DIS3L2: variants seen among roughly 807,000 people sequenced by gnomAD.
DIS3L2 encodes DIS3-like exonuclease 2.
In DIS3L2, 34 loss-of-function variants were observed where a neutral mutation model predicts 97.5. That is an observed-to-expected ratio of 0.35 (90% CI 0.27 to 0.46). The LOEUF (loss-of-function observed/expected upper bound fraction) is 0.46. Among genes scored for constraint, DIS3L2 ranks in the 20% least tolerant of loss-of-function variants. DIS3L2 has a pLI of 1.00. For synonymous variants in DIS3L2, 435 were observed against 445.2 expected, an observed-to-expected ratio of 0.98 and a Z score of 0.29; for missense variants, 1,038 against 1,146.0, an observed-to-expected ratio of 0.91 and a Z score of 1.36.
At chr2:232,172,688 T>C in intron 9 of DIS3L2, 2 of 534,612 alleles carry the variant, frequency 3.7e-6, no homozygotes, top group South Asian at 1.4e-5. Context: ...AGTCTACTTT[T>C]AGAGTAATTG....
At chr2:231,970,273 A>T (rs1692861842) in intron 1 of DIS3L2, among the ~76,000 whole-genome samples, 4 of 152,156 alleles carry the variant, frequency 2.6e-5, no homozygotes, top group Admixed American at 6.5e-5. Flanking sequence ...ATATGGTGAA[A>T]TATCGCATCG....
intron 6 of DIS3L2, among the ~76,000 whole-genome samples, chr2:232,113,871 T>C (rs1042619676): frequency 4.9e-4 from 75 of 151,576 alleles, no homozygotes; most frequent in Non-Finnish European, 9.9e-4. Context: ...GATTAGAAAT[T>C]ATGGTTTAGG....
At position 232,334,470 on chromosome 2, in the gene DIS3L2, A is replaced by T; in HGVS notation, c.2260A>T (p.Thr754Ser). The T allele has an allele frequency of 2.5e-6, 4 of 1,613,872 alleles. No individual in the cohort carries two copies. The highest frequency in any genetic ancestry group is 3.4e-6 in the Non-Finnish European group (4 of 1,179,996). ...GTCCAAGCGCGTGCAGGAGCTCAGT[A>T]CCAGTCTCTTCTTTGCTGTTCTGGT... Reference protein sequence around the residue: ...MASKRVQELSTSLFFAVLVKE... With the variant: ...MASKRVQELSSSLFFAVLVKE... The change falls in exon 18 of 21, where the codon ACC (threonine) becomes TCC (serine). Residue 754 changes from threonine (T) to serine (S), a missense_variant. Transcript: ENST00000325385.
At chr2:232,267,558 A>G (rs1693884660) in intron 13 of DIS3L2, among the ~76,000 whole-genome samples, 1 of 152,136 alleles carries the variant, frequency 6.6e-6, no homozygotes, top group South Asian at 2.1e-4. Flanking sequence ...TATGTCTCTC[A>G]TTTCTGAAAA....
chr2:232,335,517 A>AC (rs780495889), intron 19 of DIS3L2: 32 of 455,428 alleles, frequency 7.0e-5, no homozygotes, highest in East Asian at 2.1e-4. Context: ...TCAGCCCTGG[A>AC]CCCCCCACCA....
chr2:232,328,007 A>T (rs1207969284), intron 14 of DIS3L2, among the ~76,000 whole-genome samples: 2 of 152,226 alleles, frequency 1.3e-5, no homozygotes, highest in African/African-American at 4.8e-5. Flanking sequence ...GCTGAGAGTC[A>T]AACCTGGGCT....
chr2:232,287,585 G>T (rs934086877), intron 13 of DIS3L2, among the ~76,000 whole-genome samples: 2 of 151,894 alleles, frequency 1.3e-5, no homozygotes, highest in Non-Finnish European at 2.9e-5. Context: ...AGAGACGGAG[G>T]TCTCGCTCTG....
intron 13 of DIS3L2, among the ~76,000 whole-genome samples, chr2:232,273,993 G>A (rs1694075053): frequency 6.6e-6 from 1 of 152,194 alleles, no homozygotes; most frequent in African/African-American, 2.4e-5. Flanking sequence ...ATTCCCATAA[G>A]ACAGAGGTTC....
chr2:232,190,022 T>G (rs1691565937), intron 9 of DIS3L2, among the ~76,000 whole-genome samples: 1 of 152,202 alleles, frequency 6.6e-6, no homozygotes, highest in Non-Finnish European at 1.5e-5. Flanking sequence ...TTTAGTATGC[T>G]TTTGTCTTAA....
intron 9 of DIS3L2, chr2:232,172,572 A>G: frequency 2.4e-6 from 1 of 414,970 alleles, no homozygotes; most frequent in South Asian, 1.8e-5. Context: ...CCCCAGCTTG[A>G]CTATTATGAA....
At chr2:232,029,716 C>A (rs907515780) in intron 4 of DIS3L2, among the ~76,000 whole-genome samples, 4 of 152,028 alleles carry the variant, frequency 2.6e-5, no homozygotes, top group Non-Finnish European at 5.9e-5. Context: ...GCCATTGCTA[C>A]TCCTGCCCTC....
At chr2:232,115,359 A>C (rs1697675249) in intron 6 of DIS3L2, among the ~76,000 whole-genome samples, 1 of 152,206 alleles carries the variant, frequency 6.6e-6, no homozygotes, top group Admixed American at 6.5e-5. Flanking sequence ...TCAGTCTGTC[A>C]GCCGCTTTTG....
intron 6 of DIS3L2, among the ~76,000 whole-genome samples, chr2:232,099,404 C>T (rs961203087): frequency 4.6e-5 from 7 of 151,834 alleles, no homozygotes; most frequent in Admixed American, 1.3e-4. Flanking sequence ...TTAGTACAGA[C>T]GGGGTTTTGC....
intron 14 of DIS3L2, among the ~76,000 whole-genome samples, chr2:232,311,766 A>G (rs1292104088): frequency 1.3e-5 from 2 of 152,176 alleles, no homozygotes; most frequent in Admixed American, 6.5e-5. Flanking sequence ...TATATTTGTG[A>G]GAATTCATCT....
At chr2:231,970,090 C>G (rs949402815) in intron 1 of DIS3L2, among the ~76,000 whole-genome samples, 2 of 152,000 alleles carry the variant, frequency 1.3e-5, no homozygotes, top group African/African-American at 4.8e-5. Flanking sequence ...GGACCACATA[C>G]TACACCTGGC....
Position 232,015,630 on chromosome 2 carries a change from G to A in DIS3L2, c.169G>A (p.Glu57Lys). 6.2e-7 allele frequency: 1 copy of A among 1,613,998 alleles called. No individual in the cohort carries two copies. The highest frequency in any genetic ancestry group is 1.1e-5 in the South Asian group (1 of 91,080). ...CATATTTGAAACTTACATGTCCAAGGAGGATGTTTCAGAAGGCTTGAAGAG... is the reference window on the plus strand; with the variant it reads ...CATATTTGAAACTTACATGTCCAAGAAGGATGTTTCAGAAGGCTTGAAGAG... The part of the protein sequence containing the change: ...KSIFETYMSK[E>K]DVSEGLKRGT... The change falls in exon 3 of 21, where the codon GAG (glutamate) becomes AAG (lysine). Residue 57 changes from glutamate to lysine, a missense_variant. Physicochemically the swap from Glu to Lys is moderately conservative, Grantham distance 56. Around this residue, in one of 3 missense-constraint regions of DIS3L2, gnomAD observed 813 missense variants for 880.1 expected, o/e 0.92. Transcript: ENST00000325385.
intron 12 of DIS3L2, among the ~76,000 whole-genome samples, chr2:232,255,724 C>G (rs1299535839): frequency 6.6e-6 from 1 of 152,158 alleles, no homozygotes; most frequent in Non-Finnish European, 1.5e-5. Context: ...GATTAGCTAT[C>G]CTCAGTTTGC....
At chr2:232,026,491 A>G (rs1321918338) in intron 4 of DIS3L2, among the ~76,000 whole-genome samples, 1 of 151,772 alleles carries the variant, frequency 6.6e-6, no homozygotes, top group Non-Finnish European at 1.5e-5. Flanking sequence ...TATCTAAGCT[A>G]TGTCCATACC....
intron 6 of DIS3L2, among the ~76,000 whole-genome samples, chr2:232,091,420 G>A (rs1013354855): frequency 6.6e-6 from 1 of 152,056 alleles, no homozygotes; most frequent in African/African-American, 2.4e-5. Flanking sequence ...TTGTCTTTCT[G>A]TGCCTGACTA....
Sources: gnomAD v4.1 joint callset for allele counts (sites outside exome capture counted in the v4.1 genomes callset) on GRCh38, gnomAD v4.1.1 for gene constraint, gnomAD v4.1.1 regional missense constraint, MANE v1.5 for transcripts, NCBI Gene and HGNC (gene_info 2026-07-23, HGNC 2026-07-21) for gene names.